Variants in EPB41L3 observed in about 807,000 individuals in gnomAD.
EPB41L3 encodes band 4.1-like protein 3.
A neutral mutation model predicts 127.1 loss-of-function variants in EPB41L3; 57 were observed. The ratio of observed to expected loss-of-function variants is 0.45; its 90% CI spans 0.36 to 0.56. The LOEUF (loss-of-function observed/expected upper bound fraction) is 0.56. Ranked by LOEUF, EPB41L3 falls within the 20% of genes least tolerant of loss-of-function variation. The probability of loss-of-function intolerance (pLI) is 0.00; values close to 1 mark genes in which losing one functional copy is unlikely to be tolerated. For missense variants in EPB41L3, 1,273 were observed against 1,372.2 expected, an observed-to-expected ratio of 0.93 and a Z score of 1.14; for synonymous variants, 572 against 549.5, an observed-to-expected ratio of 1.04 and a Z score of -0.57.
intron 1 of EPB41L3, among the ~76,000 whole-genome samples, chr18:5,529,950 G>C (rs973876176): frequency 6.6e-6 from 1 of 151,932 alleles, no homozygotes; most frequent in African/African-American, 2.4e-5. Flanking sequence ...GTGTGTGTGT[G>C]TGTGTGTGTG....
rs546425930 is a variant in EPB41L3, at chr18:5,615,182, C to G, written c.-467-759G>C. Among the ~76,000 whole-genome samples the G allele has an allele frequency of 2.0e-5, 3 of 151,302 alleles. No individual in the cohort carries two copies. The East Asian group carries it at 5.8e-4, about 29-fold the overall frequency. On this transcript the variant is annotated intron_variant, in intron 1 of 21. Transcript: ENST00000545076. ...AAAAAAAAAGCACAAAATTGAAATT[C>G]TCAGTGTATCTAATTCAGACTTTTT...
chr18:5,432,569 T>C lies in EPB41L3; in HGVS notation c.912+900A>G, dbSNP rs373635666. Reference sequence around the variant, plus strand: ...CATGTTTTGCTAATAAAAGTTTTCATAAAAGCTTCCTTGTATTTCCACAAG... The same window carrying C: ...CATGTTTTGCTAATAAAAGTTTTCACAAAAGCTTCCTTGTATTTCCACAAG... On this transcript the variant is annotated intron_variant, in intron 8 of 22. Transcript: ENST00000341928. 4.6e-5 allele frequency among the ~76,000 whole-genome samples: 7 copies of C among 152,324 alleles called. No individual in the cohort carries two copies. In the East Asian group the frequency reaches 5.8e-4, roughly 13 times the overall value.
chr18:5,592,100 T>TA (rs1280107774), intron 3 of EPB41L3, among the ~76,000 whole-genome samples: 1 of 152,212 alleles, frequency 6.6e-6, no homozygotes, highest in East Asian at 1.9e-4. Flanking sequence ...GTAATTTACC[T>TA]AAAAAGTTAT....
chr18:5,439,457 C>T (rs1295156730), intron 5 of EPB41L3, among the ~76,000 whole-genome samples: 1 of 152,162 alleles, frequency 6.6e-6, no homozygotes, highest in Admixed American at 6.5e-5. Context: ...TTAGCTTCAT[C>T]AGTTTCTTAC....
At chr18:5,478,772 T>C (rs1416116476) in intron 2 of EPB41L3, among the ~76,000 whole-genome samples, 2 of 152,230 alleles carry the variant, frequency 1.3e-5, no homozygotes, top group South Asian at 2.1e-4. Flanking sequence ...CTCTAAAATA[T>C]ACTGTTTAGA....
chr18:5,469,859 T>C (rs565493596), intron 3 of EPB41L3, among the ~76,000 whole-genome samples: 1 of 151,442 alleles, frequency 6.6e-6, no homozygotes, highest in Non-Finnish European at 1.5e-5. Context: ...CTGCAACCTC[T>C]GCCTCCCGGG....
chr18:5,577,182 C>A, intron 3 of EPB41L3: 1 of 237,576 alleles, frequency 4.2e-6, no homozygotes, highest in Non-Finnish European at 8.4e-6. Flanking sequence ...TTTTAAGAGG[C>A]ATCATGCACG....
chr18:5,534,775 G>T (rs1452175715), intron 1 of EPB41L3, among the ~76,000 whole-genome samples: 2 of 152,140 alleles, frequency 1.3e-5, no homozygotes, highest in African/African-American at 4.8e-5. Context: ...ACTCTCATTA[G>T]ACTGGTTCTA....
chr18:5,407,156 G>GAA, intron 15 of EPB41L3, 188 bp from the exon 16 acceptor site: 1 of 560,240 alleles, frequency 1.8e-6, no homozygotes, highest in Non-Finnish European at 3.1e-6. Flanking sequence ...AAAGGAAACA[G>GAA]AAAAAAAAAT....
chr18:5,394,184 T>C (rs1317826225), intron 22 of EPB41L3: 1 of 152,982 alleles, frequency 6.5e-6, no homozygotes, highest in African/African-American at 2.4e-5. Flanking sequence ...GACAAAAGCA[T>C]AAACAGGTTA....
intron 3 of EPB41L3, among the ~76,000 whole-genome samples, chr18:5,567,599 G>A (rs890531403): frequency 6.6e-6 from 1 of 152,008 alleles, no homozygotes; most frequent in African/African-American, 2.4e-5. Context: ...GAGAAAGAAA[G>A]GAGAAGAGAT....
chr18:5,430,557 C>CTTTTT (rs5822860), intron 8 of EPB41L3, among the ~76,000 whole-genome samples: 1 of 146,282 alleles, frequency 6.8e-6, no homozygotes, highest in Non-Finnish European at 1.5e-5. Flanking sequence ...TTTGAGAAAT[C>CTTTTT]TTTTTTTTTT....
intron 3 of EPB41L3, among the ~76,000 whole-genome samples, chr18:5,605,895 A>G (rs2094646089): frequency 1.3e-5 from 2 of 152,208 alleles, no homozygotes; most frequent in Non-Finnish European, 2.9e-5. Flanking sequence ...TGTGTGTAAA[A>G]GACAAGCTAG....
chr18:5,630,636 C>A (rs768838840), upstream of EPB41L3: 1 of 423,812 alleles, frequency 2.4e-6, no homozygotes, highest in Admixed American at 2.6e-5. Flanking sequence ...CTCCAAGTTG[C>A]CACCTGCAGC....
chr18:5,566,301 A>T (rs543760537), intron 3 of EPB41L3, among the ~76,000 whole-genome samples: 1 of 152,210 alleles, frequency 6.6e-6, no homozygotes, highest in Non-Finnish European at 1.5e-5. Context: ...AAAAATCACA[A>T]GCATTCTTAT....
chr18:5,556,275 A>C (rs1275159028), intron 3 of EPB41L3, among the ~76,000 whole-genome samples: 1 of 152,242 alleles, frequency 6.6e-6, no homozygotes, highest in African/African-American at 2.4e-5. Context: ...AAAATCAACA[A>C]GGCTTTTCAG....
Position 5,397,500 on chromosome 18 carries a change from C to T in EPB41L3, c.2473-74G>A. The T allele has an allele frequency of 1.3e-6, 2 of 1,498,562 alleles. No homozygotes were observed. Among genetic ancestry groups the T allele is most frequent in the Non-Finnish European group, 1.8e-6 (2 of 1,123,960 alleles). The allele number at this position is 1,498,562 out of a possible 1,614,324, so 92.8% of individuals were successfully genotyped here. ...GGTCAGAAAATAACTAAAGCTGCCA[C>T]TCGCCAGGATGTCTAAAGCCAGCAG... On this transcript the variant is annotated intron_variant, in intron 17 of 22. Coordinates refer to ENST00000341928, the MANE Select transcript of EPB41L3 (RefSeq NM_012307.5). This position sits in a 1 kb window ranked among gnomAD's most constrained non-coding sequence, Gnocchi z 4.1.
At chr18:5,467,176 T>C (rs2085149014) in intron 3 of EPB41L3, among the ~76,000 whole-genome samples, 1 of 152,226 alleles carries the variant, frequency 6.6e-6, no homozygotes, top group East Asian at 1.9e-4. Flanking sequence ...CCTTGAAACT[T>C]GTTCCATACA....
In EPB41L3 at chr18:5,528,782, G is replaced by A. The variant is rs1046486027; in HGVS notation, c.-12+15131C>T. 2.0e-5 allele frequency among the ~76,000 whole-genome samples: 3 copies of A among 151,846 alleles called. No individual in the cohort carries two copies. In the East Asian group the frequency reaches 5.8e-4, roughly 30 times the overall value. On this transcript the variant is annotated intron_variant, in intron 1 of 22. Transcript: ENST00000341928. ...CTGGCTAATTTTTGTATTTTTAGTA[G>A]AGATGGGGTTTCACCATGTTGGCCA...
Sources: allele counts gnomAD v4.1 joint callset (sites outside exome capture counted in the v4.1 genomes callset), GRCh38; gene constraint gnomAD v4.1.1; non-coding constraint Gnocchi (gnomAD v3.1); transcripts MANE v1.5; gene names NCBI Gene and HGNC (gene_info 2026-07-23, HGNC 2026-07-21).